ANKS1B: variants seen among roughly 807,000 people sequenced by gnomAD.
ANKS1B encodes the protein ankyrin repeat and sterile alpha motif domain containing 1B, also known as ankyrin repeat and sterile alpha motif domain-containing protein 1B.
In ANKS1B, 36 loss-of-function variants were observed where a neutral mutation model predicts 148.3. That is an observed-to-expected ratio of 0.24 (90% CI 0.19 to 0.32). The LOEUF is 0.32. Ranked by LOEUF, ANKS1B falls within the 10% of genes least tolerant of loss-of-function variation. The probability of loss-of-function intolerance (pLI) is 1.00; values close to 1 mark genes in which losing one functional copy is unlikely to be tolerated. For synonymous variants in ANKS1B, 542 were observed against 560.8 expected, an observed-to-expected ratio of 0.97 and a Z score of 0.47; for missense variants, 1,157 against 1,542.6, an observed-to-expected ratio of 0.75 and a Z score of 4.19.
intron 1 of ANKS1B, among the ~76,000 whole-genome samples, chr12:99,975,585 A>AT (rs1470450495): frequency 1.3e-5 from 2 of 152,142 alleles, no homozygotes; most frequent in Admixed American, 1.3e-4. Context: ...GATGCTGAGC[A>AT]TTTTTTATGT....
intron 12 of ANKS1B, among the ~76,000 whole-genome samples, chr12:99,319,281 C>T (rs529894124): frequency 6.6e-6 from 1 of 152,076 alleles, no homozygotes; most frequent in East Asian, 1.9e-4. Flanking sequence ...GGGGTTGTCT[C>T]CCATTATTAT....
At chr12:99,354,161 T>C (rs543811859) in intron 12 of ANKS1B, among the ~76,000 whole-genome samples, 20 of 152,182 alleles carry the variant, frequency 1.3e-4, no homozygotes, top group African/African-American at 4.6e-4. Flanking sequence ...AATGGGTCTA[T>C]ACAACCAGGA....
At chr12:99,458,583 C>G (rs1263335426) in intron 10 of ANKS1B, among the ~76,000 whole-genome samples, 2 of 151,820 alleles carry the variant, frequency 1.3e-5, no homozygotes, top group South Asian at 2.1e-4. Flanking sequence ...GGAGATATTA[C>G]AACCAATCCC....
chr12:99,547,890 T>C (rs897207054), intron 9 of ANKS1B, among the ~76,000 whole-genome samples: 8 of 152,154 alleles, frequency 5.3e-5, no homozygotes, highest in Non-Finnish European at 1.0e-4. Flanking sequence ...CATGCAAAAT[T>C]AAGGGATTGC....
intron 9 of ANKS1B, among the ~76,000 whole-genome samples, chr12:99,635,023 T>C (rs760483323): frequency 6.9e-4 from 105 of 152,164 alleles, no homozygotes; most frequent in Non-Finnish European, 1.1e-3. Context: ...CCAACATCAC[T>C]AATCATTAGG....
intron 17 of ANKS1B, among the ~76,000 whole-genome samples, chr12:98,892,982 A>G (rs964406534): frequency 2.0e-5 from 3 of 152,244 alleles, no homozygotes; most frequent in Admixed American, 2.0e-4. Context: ...CAACTGCAGG[A>G]CAAGGTTTCC....
chr12:98,821,897 G>A (rs938942366), intron 19 of ANKS1B, among the ~76,000 whole-genome samples: 6 of 149,664 alleles, frequency 4.0e-5, no homozygotes, highest in African/African-American at 1.2e-4. Context: ...CATAAGCCAC[G>A]ATGCCTGGCC....
chr12:99,280,868 CTG>C (rs1313881579), intron 12 of ANKS1B, among the ~76,000 whole-genome samples: 2 of 150,780 alleles, frequency 1.3e-5, no homozygotes, highest in African/African-American at 4.9e-5. Flanking sequence ...CTCTCTCTGT[CTG>C]TCTCTCTCTC....
intron 12 of ANKS1B, among the ~76,000 whole-genome samples, chr12:99,382,078 A>G (rs1290040908): frequency 1.3e-5 from 2 of 152,240 alleles, no homozygotes; most frequent in Non-Finnish European, 2.9e-5. Flanking sequence ...AATGCAAAAC[A>G]TCTGACTCAT....
chr12:99,299,164 A>C (rs2081283717), intron 12 of ANKS1B, among the ~76,000 whole-genome samples: 1 of 151,826 alleles, frequency 6.6e-6, no homozygotes, highest in South Asian at 2.1e-4. Flanking sequence ...GGGCTCTAGT[A>C]ATCCTCCCAC....
intron 10 of ANKS1B, among the ~76,000 whole-genome samples, chr12:99,471,152 T>G (rs2096235764): frequency 6.6e-6 from 1 of 152,158 alleles, no homozygotes; most frequent in Non-Finnish European, 1.5e-5. Flanking sequence ...TTCCTCTTTT[T>G]TTCTTAATAC....
intron 12 of ANKS1B, among the ~76,000 whole-genome samples, chr12:99,382,380 G>A (rs1378782976): frequency 2.0e-5 from 3 of 152,010 alleles, no homozygotes; most frequent in African/African-American, 4.8e-5. Context: ...AGTAAAATGA[G>A]CATATCAAAG....
intron 17 of ANKS1B, among the ~76,000 whole-genome samples, chr12:98,974,367 A>G (rs2099888284): frequency 1.3e-5 from 2 of 152,214 alleles, no homozygotes; most frequent in South Asian, 4.1e-4. Flanking sequence ...TTCACAAGTA[A>G]TACGAATATA....
chr12:99,284,534 A>G (rs921942045), intron 12 of ANKS1B, among the ~76,000 whole-genome samples: 2 of 152,106 alleles, frequency 1.3e-5, no homozygotes, highest in Non-Finnish European at 2.9e-5. Context: ...GAAAGATTTT[A>G]TTTTCCTGTA....
chr12:99,631,391 C>G (rs2098159420), intron 9 of ANKS1B, among the ~76,000 whole-genome samples: 2 of 151,738 alleles, frequency 1.3e-5, no homozygotes, highest in South Asian at 4.2e-4. Flanking sequence ...AGATAATGGG[C>G]AGAAGCTGGA....
At chr12:99,424,579 T>G (rs2095195035) in intron 11 of ANKS1B, among the ~76,000 whole-genome samples, 1 of 151,784 alleles carries the variant, frequency 6.6e-6, no homozygotes, top group African/African-American at 2.4e-5. Flanking sequence ...GGATTTTATG[T>G]GTACTATTTT....
chr12:99,016,562 A>G (rs940016011), intron 17 of ANKS1B, among the ~76,000 whole-genome samples: 1 of 152,204 alleles, frequency 6.6e-6, no homozygotes, highest in Non-Finnish European at 1.5e-5. Context: ...AGGCTGAGGT[A>G]GGAGACTTGC....
intron 8 of ANKS1B, among the ~76,000 whole-genome samples, chr12:99,766,905 A>G (rs1346166940): frequency 6.6e-6 from 1 of 152,012 alleles, no homozygotes; most frequent in Non-Finnish European, 1.5e-5. Context: ...ATTCCTGATA[A>G]TAAGCTCTAG....
rs34975028 is a variant in ANKS1B at position 98,744,375 on chromosome 12, T to TAA, written c.*1362_*1363dup. 6 of 896,876 alleles carry TAA rather than the reference T, an allele frequency of 6.7e-6. No individual in the cohort carries two copies. The highest frequency in any genetic ancestry group is 5.4e-5 in the African/African-American group (3 of 55,542). The allele number at this position is 896,876 out of a possible 1,614,324, so 55.6% of individuals were successfully genotyped here. On this transcript the variant is annotated 3_prime_UTR_variant, in exon 27 of 27. Transcript: ENST00000683438. ...TTAGGTTTAAAATAATGTCAGTTAATAAAAAAACATTAAGACAATTCCACA... is the reference window on the plus strand; with the variant it reads ...TTAGGTTTAAAATAATGTCAGTTAATAAAAAAAAACATTAAGACAATTCCACA...
Sources: gnomAD v4.1 joint callset for allele counts (sites outside exome capture counted in the v4.1 genomes callset) on GRCh38, gnomAD v4.1.1 for gene constraint, MANE v1.5 for transcripts, NCBI Gene and HGNC (gene_info 2026-07-23, HGNC 2026-07-21) for gene names.